VPS37A: variants seen among roughly 807,000 people sequenced by gnomAD.
VPS37A encodes vacuolar protein sorting-associated protein 37A.
VPS37A carries 30 observed loss-of-function variants against 49.8 expected under a neutral mutation model. The observed-to-expected ratio is 0.60, with a 90% CI of 0.45 to 0.82. VPS37A has a LOEUF of 0.82. Among genes scored for constraint, VPS37A ranks in the 40% least tolerant of loss-of-function variants. The probability of loss-of-function intolerance (pLI) is 0.00; values close to 1 mark genes in which losing one functional copy is unlikely to be tolerated. For synonymous variants in VPS37A, 195 were observed against 160.6 expected, an observed-to-expected ratio of 1.21 and a Z score of -1.62; for missense variants, 593 against 464.4, an observed-to-expected ratio of 1.28 and a Z score of -2.55.
the VPS37A span, among the ~76,000 whole-genome samples, chr8:17,318,150 C>G: frequency 4.6e-5 from 7 of 152,278 alleles, no homozygotes; most frequent in South Asian, 1.0e-3. Context: ...AAAAATCTCT[C>G]CTGAGATGCT....
chr8:17,302,285 A>C (rs935829716), downstream of VPS37A: 5 of 1,612,078 alleles, frequency 3.1e-6, no homozygotes, highest in African/African-American at 6.7e-5. Flanking sequence ...CAAAACCTGG[A>C]AAGGATGGCA....
chr8:17,253,721 A>G (rs1431697028), intron 1 of VPS37A, among the ~76,000 whole-genome samples: 1 of 152,152 alleles, frequency 6.6e-6, no homozygotes, highest in Admixed American at 6.5e-5. Context: ...CTGTGTTTTC[A>G]TAGCTCTTTG....
intron 11 of VPS37A, 107 bp downstream of exon 11, chr8:17,286,534 T>C (rs1815606810): frequency 1.1e-6 from 1 of 886,130 alleles, no homozygotes; most frequent in Non-Finnish European, 1.8e-6. Flanking sequence ...AATTCTGTCA[T>C]TATAGTTACT....
chr8:17,263,026 A>T (rs934692016), intron 1 of VPS37A, among the ~76,000 whole-genome samples: 1 of 150,312 alleles, frequency 6.7e-6, no homozygotes. Flanking sequence ...TCGCCATTGC[A>T]CTCCAGCCTG....
intron 1 of VPS37A, among the ~76,000 whole-genome samples, chr8:17,264,960 A>G (rs963700812): frequency 2.6e-5 from 4 of 152,224 alleles, no homozygotes; most frequent in Non-Finnish European, 4.4e-5. Context: ...TTAAAGTATC[A>G]GGGACTTAGA....
chr8:17,277,101 CTTTA>C (rs1233576837), intron 6 of VPS37A, among the ~76,000 whole-genome samples: 1 of 151,982 alleles, frequency 6.6e-6, no homozygotes, highest in African/African-American at 2.4e-5. Flanking sequence ...TAGACTTTTT[CTTTA>C]TTTTTTTGCA....
downstream of VPS37A, among the ~76,000 whole-genome samples, chr8:17,300,523 T>A (rs182289915): frequency 1.3e-5 from 2 of 152,324 alleles, no homozygotes; most frequent in East Asian, 3.9e-4. Context: ...CCTACATGGT[T>A]TCAAATGATG....
chr8:17,286,826 A>G (rs902965026), intron 11 of VPS37A, among the ~76,000 whole-genome samples: 1 of 152,082 alleles, frequency 6.6e-6, no homozygotes, highest in East Asian at 1.9e-4. Context: ...CACCACGATT[A>G]CTCTAATAAT....
the VPS37A span, among the ~76,000 whole-genome samples, chr8:17,317,967 A>G: frequency 1.3e-5 from 2 of 151,808 alleles, no homozygotes; most frequent in Non-Finnish European, 2.9e-5. Context: ...TGGGTAAGTT[A>G]TTATATGTTG....
At chr8:17,319,487 G>T in the VPS37A span, among the ~76,000 whole-genome samples, 3 of 152,142 alleles carry the variant, frequency 2.0e-5, no homozygotes, top group Non-Finnish European at 2.9e-5. Flanking sequence ...CATCTCAAAT[G>T]CAAGTCTTCT....
intron 1 of VPS37A, among the ~76,000 whole-genome samples, chr8:17,254,096 G>A (rs1429534135): frequency 6.6e-6 from 1 of 152,052 alleles, no homozygotes; most frequent in Non-Finnish European, 1.5e-5. Flanking sequence ...TGAATTTGGT[G>A]CACAGTTTGC....
chr8:17,290,332 C>G (rs1314023475), intron 11 of VPS37A, among the ~76,000 whole-genome samples: 1 of 152,122 alleles, frequency 6.6e-6, no homozygotes, highest in Non-Finnish European at 1.5e-5. Context: ...ATAAATAGCT[C>G]TTATTATTTT....
rs770620836 is a variant in VPS37A at position 17,266,005 on chromosome 8, T to C, written c.200+24T>C. 4.4e-6 allele frequency: 7 copies of C among 1,587,856 alleles called. No homozygotes were observed. In the South Asian group the frequency reaches 8.0e-5, roughly 18 times the overall value. Reference sequence around the variant, plus strand: ...ATGTGAGTAGAATTGTATCCTACTTTTTCATGTAAAAGGACTTAACAGTTT... The same window carrying C: ...ATGTGAGTAGAATTGTATCCTACTTCTTCATGTAAAAGGACTTAACAGTTT... On this transcript the variant is annotated intron_variant, in intron 2 of 11. Coordinates refer to ENST00000324849, the MANE Select transcript of VPS37A (RefSeq NM_152415.3).
intron 6 of VPS37A, among the ~76,000 whole-genome samples, chr8:17,279,144 G>T (rs1208400984): frequency 6.6e-6 from 1 of 152,074 alleles, no homozygotes; most frequent in African/African-American, 2.4e-5. Context: ...AGTCACAGAG[G>T]TTAAAACGGA....
At chr8:17,259,672 A>G (rs1221518167) in intron 1 of VPS37A, among the ~76,000 whole-genome samples, 1 of 152,062 alleles carries the variant, frequency 6.6e-6, no homozygotes, top group Non-Finnish European at 1.5e-5. Flanking sequence ...AGTAGAGTGA[A>G]AGTCCCCTAT....
the VPS37A span, among the ~76,000 whole-genome samples, chr8:17,333,129 T>C: frequency 1.3e-5 from 2 of 152,222 alleles, no homozygotes; most frequent in Non-Finnish European, 2.9e-5. Context: ...ACGTGGCTTA[T>C]GTGACATCAG....
At chr8:17,275,417 A>G (rs938592963) in intron 5 of VPS37A, among the ~76,000 whole-genome samples, 1 of 152,226 alleles carries the variant, frequency 6.6e-6, no homozygotes, top group African/African-American at 2.4e-5. Flanking sequence ...TACATAAGGC[A>G]TTCTTTGAGA....
intron 1 of VPS37A, among the ~76,000 whole-genome samples, chr8:17,252,879 A>AT (rs1162320479): frequency 1.3e-5 from 2 of 152,238 alleles, no homozygotes. Flanking sequence ...AAATATCAAC[A>AT]TTTTGACTGT....
the VPS37A span, among the ~76,000 whole-genome samples, chr8:17,324,486 T>G: frequency 6.6e-6 from 1 of 152,242 alleles, no homozygotes; most frequent in Non-Finnish European, 1.5e-5. Context: ...ATCCATGCTC[T>G]TCCTCTAGCC....
Sources: gnomAD v4.1 joint callset for allele counts (sites outside exome capture counted in the v4.1 genomes callset) on GRCh38, gnomAD v4.1.1 for gene constraint, MANE v1.5 for transcripts, NCBI Gene and HGNC (gene_info 2026-07-23, HGNC 2026-07-21) for gene names.